SLC30A4: variants seen among roughly 807,000 people sequenced by gnomAD.
The protein encoded by SLC30A4 is probable proton-coupled zinc antiporter SLC30A4.
In SLC30A4, 20 loss-of-function variants were observed where a neutral mutation model predicts 41.7. The ratio of observed to expected loss-of-function variants is 0.48; its 90% CI spans 0.34 to 0.70. The LOEUF is 0.70. Ranked by LOEUF, SLC30A4 falls within the 30% of genes least tolerant of loss-of-function variation. The probability of loss-of-function intolerance (pLI) is 0.01; values close to 1 mark genes in which losing one functional copy is unlikely to be tolerated. For synonymous variants in SLC30A4, 181 were observed against 195.9 expected (o/e 0.92, Z 0.64); for missense variants, 441 against 529.3 (o/e 0.83, Z 1.64).
chr15:45,513,774 A>G (rs1892372461), intron 2 of SLC30A4: 1 of 152,182 alleles, frequency 6.6e-6, no homozygotes, highest in South Asian at 2.1e-4. Context: ...GAGGATACAA[A>G]ATGAGTTTGG....
intron 7 of SLC30A4, 92 bp downstream of exon 7, chr15:45,486,517 GAA>G (rs1891709142): frequency 8.6e-7 from 1 of 1,164,888 alleles, no homozygotes; most frequent in Non-Finnish European, 1.2e-6. Flanking sequence ...CTTTTCAGCA[GAA>G]AAGTCTTCCT....
intron 2 of SLC30A4, chr15:45,521,034 T>C (rs1017833659): frequency 8.6e-6 from 4 of 465,600 alleles, no homozygotes; most frequent in African/African-American, 6.0e-5. Flanking sequence ...AGGTAGGAAA[T>C]GTATATAATT....
In SLC30A4 at chr15:45,480,509, T is replaced by C. The variant is rs1322519603; in HGVS notation, c.*4654A>G. On this transcript the variant is annotated 3_prime_UTR_variant, in exon 8 of 8. Transcript: ENST00000261867. ...ACTTGCCTCCCCTCAACATAGCATA[T>C]AGTGATGGGTGTTCATTTATGACAA... The C allele has an allele frequency of 6.6e-6, 1 of 152,176 alleles. No individual in the cohort carries two copies. Among genetic ancestry groups the C allele is most frequent in the Non-Finnish European group, 1.5e-5 (1 of 68,034 alleles). The allele number at this position is 152,176 out of a possible 1,614,324, so 9.4% of individuals were successfully genotyped here. A position where few individuals can be genotyped will look rare whatever the true frequency, so the allele number is the denominator to read the frequency against.
chr15:45,510,205 A>T (rs1374050560), intron 3 of SLC30A4, among the ~76,000 whole-genome samples: 1 of 150,970 alleles, frequency 6.6e-6, no homozygotes, highest in African/African-American at 2.4e-5. Flanking sequence ...AAGAAACAAA[A>T]AGTTTACTGC....
intron 5 of SLC30A4, among the ~76,000 whole-genome samples, chr15:45,488,448 C>T (rs1489622904): frequency 6.6e-6 from 1 of 152,148 alleles, no homozygotes; most frequent in Non-Finnish European, 1.5e-5. Context: ...TGGTGTGTAC[C>T]TGTAATCCCA....
chr15:45,514,280 G>T (rs1287285859), intron 2 of SLC30A4, among the ~76,000 whole-genome samples: 1 of 150,504 alleles, frequency 6.6e-6, no homozygotes, highest in East Asian at 2.0e-4. Context: ...GGAGGCGGAG[G>T]TTACGGGGAG....
chr15:45,513,334 T>G (rs578034419), intron 2 of SLC30A4, among the ~76,000 whole-genome samples: 9 of 151,134 alleles, frequency 6.0e-5, no homozygotes, highest in Non-Finnish European at 1.3e-4. Flanking sequence ...GCCTCCTGAG[T>G]AGCTGGGACT....
At chr15:45,512,759 T>C (rs765221780) in intron 2 of SLC30A4, among the ~76,000 whole-genome samples, 6 of 152,222 alleles carry the variant, frequency 3.9e-5, no homozygotes, top group African/African-American at 7.2e-5. Context: ...AACTTTGAGA[T>C]GATAGAAATG....
chr15:45,516,635 G>A (rs1289963341), intron 2 of SLC30A4, among the ~76,000 whole-genome samples: 4 of 152,118 alleles, frequency 2.6e-5, no homozygotes, highest in African/African-American at 7.2e-5. Flanking sequence ...TTGGGAGGCC[G>A]AGGTGGGCGG....
intron 3 of SLC30A4, among the ~76,000 whole-genome samples, chr15:45,506,526 A>G (rs1566879764): frequency 6.6e-6 from 1 of 152,204 alleles, no homozygotes; most frequent in South Asian, 2.1e-4. Context: ...GGTACTGTGG[A>G]ACTCAGGGAC....
chr15:45,505,278 T>C (rs72711278), intron 3 of SLC30A4, among the ~76,000 whole-genome samples: 14,773 of 145,674 alleles, frequency 0.1, 808 homozygotes, highest in Middle Eastern at 0.23. Flanking sequence ...AAAAAAAGGC[T>C]ACAATCAATA....
rs1595523098 is a variant in SLC30A4, at chr15:45,492,469, A to G, written c.539-1588T>C. On this transcript the variant is annotated intron_variant, in intron 3 of 7. Coordinates refer to ENST00000261867, the MANE Select transcript of SLC30A4 (RefSeq NM_013309.6). ...ATTTAAAGTGTTTTAAGTTTTTACC[A>G]TAAATGCATATTACCTTTAGACTAA... Among the ~76,000 whole-genome samples the G allele has an allele frequency of 3.3e-5, 5 of 152,306 alleles. No individual in the cohort carries two copies. In the East Asian group the frequency reaches 9.6e-4, roughly 29 times the overall value.
rs1891616559 is a variant in SLC30A4 at position 45,482,445 on chromosome 15, T to G, written c.*2718A>C. On this transcript the variant is annotated 3_prime_UTR_variant, in exon 8 of 8. Coordinates refer to ENST00000261867, the MANE Select transcript of SLC30A4 (RefSeq NM_013309.6). ...AAAAAAAAAGAATTCTTTTCAATAC[T>G]CAAATGAATTTTAGCCTGTTTTATC... 1 of 151,890 alleles carries G rather than the reference T, an allele frequency of 6.6e-6. No homozygotes were observed. The highest frequency in any genetic ancestry group is 1.5e-5 in the Non-Finnish European group (1 of 67,950). 9.4% of individuals were successfully genotyped at this position (151,890 alleles called of 1,614,324 possible). A position where few individuals can be genotyped will look rare whatever the true frequency, so the allele number is the denominator to read the frequency against.
At chr15:45,495,996 T>C (rs1050747372) in intron 3 of SLC30A4, among the ~76,000 whole-genome samples, 2 of 152,132 alleles carry the variant, frequency 1.3e-5, no homozygotes, top group African/African-American at 4.8e-5. Flanking sequence ...TCTTCTGGGA[T>C]ATAGACATAT....
Position 45,480,871 on chromosome 15 carries a change from C to A in SLC30A4, c.*4292G>T, listed in dbSNP as rs970129386. ...TTCACTGGTGGTTGTGCAGTGTAGT[C>A]TCTTTGTCTACCACACTTACTCTAC... On this transcript the variant is annotated 3_prime_UTR_variant, in exon 8 of 8. Coordinates refer to ENST00000261867, the MANE Select transcript of SLC30A4 (RefSeq NM_013309.6). 1 of 152,162 alleles carries A rather than the reference C, an allele frequency of 6.6e-6. No individual in the cohort carries two copies. The highest frequency in any genetic ancestry group is 1.5e-5 in the Non-Finnish European group (1 of 68,022). 9.4% of individuals were successfully genotyped at this position (152,162 alleles called of 1,614,324 possible).
At chr15:45,517,880 A>C (rs1002180743) in intron 2 of SLC30A4, among the ~76,000 whole-genome samples, 13 of 152,076 alleles carry the variant, frequency 8.5e-5, no homozygotes, top group Middle Eastern at 3.4e-3. Flanking sequence ...CCCGGGAGGC[A>C]GAGCTTGCAG....
Position 45,511,129 on chromosome 15 carries a change from A to G in SLC30A4, c.538+9T>C, listed in dbSNP as rs1284907777. ...ATATTATAAAGCAAAAGAAACACCA[A>G]CTACCTACCTAAGCGATGAAATCCA... On this transcript the variant is annotated intron_variant, in intron 3 of 7. Transcript: ENST00000261867. 2.5e-6 allele frequency: 4 copies of G among 1,607,672 alleles called. No individual in the cohort carries two copies. Among genetic ancestry groups the G allele is most frequent in the East Asian group, 2.2e-5 (1 of 44,848 alleles).
intron 2 of SLC30A4, chr15:45,519,147 G>A (rs761335173): frequency 7.3e-5 from 11 of 151,118 alleles, no homozygotes; most frequent in Non-Finnish European, 1.2e-4. Flanking sequence ...TCCCAGAAGT[G>A]CTAGGATTAC....
chr15:45,488,829 CA>C lies in SLC30A4; in HGVS notation c.894+11del. 6.3e-7 allele frequency: 1 copy of C among 1,599,898 alleles called. No homozygotes were observed. The highest frequency in any genetic ancestry group is 8.6e-7 in the Non-Finnish European group (1 of 1,169,044). On this transcript the variant is annotated intron_variant, in intron 5 of 7. Transcript: ENST00000261867. The stretch of plus-strand genomic sequence containing the variant: ...GTACATTTTAAAATAGAAAAATTAC[CA>C]ATCATATTACCTTGAATCGTATGAT...
Sources: gnomAD v4.1 joint callset for allele counts (sites outside exome capture counted in the v4.1 genomes callset) on GRCh38, gnomAD v4.1.1 for gene constraint, MANE v1.5 for transcripts, NCBI Gene and HGNC (gene_info 2026-07-23, HGNC 2026-07-21) for gene names.